The following WRNIP1 variants were observed in gnomAD, a reference collection of about 807,000 sequenced individuals.
The protein encoded by WRNIP1 is ATPase WRNIP1.
In WRNIP1, 41 loss-of-function variants were observed where a neutral mutation model predicts 56.1. The ratio of observed to expected loss-of-function variants is 0.73; its 90% CI spans 0.57 to 0.95. WRNIP1 has a LOEUF of 0.95. Ranked by LOEUF, WRNIP1 falls within the 40% of genes least tolerant of loss-of-function variation. The pLI, the probability that WRNIP1 is intolerant of heterozygous loss-of-function variation, is 0.00. For synonymous variants in WRNIP1, 547 were observed against 398.1 expected (o/e 1.37, Z -4.45); for missense variants, 1,170 against 939.4 (o/e 1.25, Z -3.21).
chr6:2,778,671 C>G (rs373726800), intron 3 of WRNIP1, among the ~76,000 whole-genome samples: 26 of 152,164 alleles, frequency 1.7e-4, no homozygotes, highest in Admixed American at 1.6e-3. Flanking sequence ...TCCCAAGATT[C>G]CCCAGGCCAA....
chr6:2,768,863 G>A lies in WRNIP1; in HGVS notation c.995G>A (p.Arg332Gln). The A allele has an allele frequency of 6.2e-7, 1 of 1,610,580 alleles. No individual in the cohort carries two copies. The highest frequency in any genetic ancestry group is 8.5e-7 in the Non-Finnish European group (1 of 1,178,502). The change falls in exon 2 of 7, where the codon CGG becomes CAG. Residue 332 changes from arginine (R) to glutamine (Q), a missense_variant. Arg to Gln is a conservative substitution (Grantham distance 43). Coordinates refer to ENST00000380773, the MANE Select transcript of WRNIP1 (RefSeq NM_020135.3). ...KTILFIDEIH[R>Q]FNKSQQDTFL... ...ATCCTTTTTATTGATGAGATTCATC[G>A]GTTCAATAAATCTCAGCAGGTATAT...
chr6:2,768,010 C>T (rs1015131932), intron 1 of WRNIP1, among the ~76,000 whole-genome samples: 3 of 152,174 alleles, frequency 2.0e-5, no homozygotes, highest in East Asian at 1.9e-4. Context: ...TCTTCTCATC[C>T]TTTAGTACTA....
At position 2,783,392 on chromosome 6, in the gene WRNIP1, C is replaced by T; in HGVS notation, c.1487-14C>T. The T allele has an allele frequency of 6.3e-7, 1 of 1,576,370 alleles. No homozygotes were observed. The highest frequency in any genetic ancestry group is 8.7e-7 in the Non-Finnish European group (1 of 1,156,024). On this transcript the variant is annotated splice_polypyrimidine_tract_variant and intron_variant, in intron 4 of 6. Coordinates refer to ENST00000380773, the MANE Select transcript of WRNIP1 (RefSeq NM_020135.3). ...CTGTGAGCTCTGTGTGAGTGGTGCT[C>T]TTTGTGATGTCAGGTGAGGAGCATT...
intron 4 of WRNIP1, among the ~76,000 whole-genome samples, chr6:2,782,589 C>T (rs149384890): frequency 1.2e-3 from 179 of 152,342 alleles, no homozygotes; most frequent in Non-Finnish European, 2.2e-3. Context: ...TCCGCTTTCT[C>T]GTGAGGAGGG....
intron 3 of WRNIP1, chr6:2,774,416 A>G: frequency 2.8e-6 from 1 of 359,292 alleles, no homozygotes; most frequent in Non-Finnish European, 3.9e-6. Context: ...GGCCCTTGGC[A>G]TTCCTTGGCT....
At chr6:2,783,053 C>T (rs558433562) in intron 4 of WRNIP1, among the ~76,000 whole-genome samples, 17 of 144,596 alleles carry the variant, frequency 1.2e-4, no homozygotes, top group Admixed American at 4.9e-4. Context: ...TGGTGGGCCA[C>T]GGGATAGAGC....
intron 4 of WRNIP1, 108 bp downstream of exon 4, chr6:2,779,600 C>T: frequency 8.9e-7 from 1 of 1,125,130 alleles, no homozygotes; most frequent in South Asian, 1.5e-5. Flanking sequence ...CAGCTGGGTC[C>T]AGAGCATTCC....
intron 3 of WRNIP1, among the ~76,000 whole-genome samples, chr6:2,778,316 A>G (rs556972356): frequency 2.5e-4 from 38 of 152,292 alleles, no homozygotes; most frequent in Non-Finnish European, 7.4e-5. Flanking sequence ...TAACTGAAAA[A>G]TTTTATTTTT....
At chr6:2,776,163 C>T (rs2113471960) in intron 3 of WRNIP1, among the ~76,000 whole-genome samples, 1 of 152,282 alleles carries the variant, frequency 6.6e-6, no homozygotes, top group East Asian at 1.9e-4. Context: ...CTCTCATGGG[C>T]TTCCCATTCT....
At chr6:2,778,462 CT>C (rs1462393045) in intron 3 of WRNIP1, among the ~76,000 whole-genome samples, 1 of 152,168 alleles carries the variant, frequency 6.6e-6, no homozygotes, top group East Asian at 1.9e-4. Flanking sequence ...ATAGTTAGAT[CT>C]TATTTATGAG....
chr6:2,768,063 AG>A (rs1731266651), intron 1 of WRNIP1, among the ~76,000 whole-genome samples: 1 of 152,196 alleles, frequency 6.6e-6, no homozygotes, highest in African/African-American at 2.4e-5. Context: ...ATATTTGTTG[AG>A]GACCCAAGAA....
Position 2,766,139 on chromosome 6 carries a change from G to A in WRNIP1, c.517G>A (p.Asp173Asn). The change falls in exon 1 of 7, where the codon GAT (aspartate) becomes AAT (asparagine). Residue 173 changes from aspartate to asparagine, a missense_variant. Physicochemically the swap from Asp to Asn is conservative, Grantham distance 23. Coordinates refer to ENST00000380773, the MANE Select transcript of WRNIP1 (RefSeq NM_020135.3). ...QEEEEAVGDG[D>N]GDGDADADGE... ...GGAGGAGGAGGCCGTGGGCGACGGCGATGGCGACGGGGACGCGGACGCGGA... is the reference window on the plus strand; with the variant it reads ...GGAGGAGGAGGCCGTGGGCGACGGCAATGGCGACGGGGACGCGGACGCGGA... 1 of 1,241,046 alleles carries A rather than the reference G, an allele frequency of 8.1e-7. No homozygotes were observed. The highest frequency in any genetic ancestry group is 2.2e-5 in the South Asian group (1 of 45,164). The allele number at this position is 1,241,046 out of a possible 1,614,324, so 76.9% of individuals were successfully genotyped here. A position where few individuals can be genotyped will look rare whatever the true frequency, so the allele number is the denominator to read the frequency against.
At chr6:2,784,963 C>G in intron 6 of WRNIP1, 44 bp from the exon 7 acceptor site, 1 of 1,605,798 alleles carries the variant, frequency 6.2e-7, no homozygotes, top group Non-Finnish European at 8.5e-7. Flanking sequence ...AGAACAGAAG[C>G]TTGGCATCTT....
At chr6:2,775,622 C>T (rs540602162) in intron 3 of WRNIP1, among the ~76,000 whole-genome samples, 27 of 152,196 alleles carry the variant, frequency 1.8e-4, no homozygotes, top group South Asian at 4.1e-4. Context: ...AAGTAGTATC[C>T]TCCAAATTCC....
intron 3 of WRNIP1, chr6:2,774,052 T>C (rs1561912637): frequency 1.1e-5 from 11 of 985,404 alleles, no homozygotes; most frequent in Non-Finnish European, 1.3e-5. Flanking sequence ...AAATAACCTT[T>C]TGTGCCATTG....
At chr6:2,779,573 G>A in intron 4 of WRNIP1, 81 bp downstream of exon 4, 1 of 1,450,614 alleles carries the variant, frequency 6.9e-7, no homozygotes, top group Non-Finnish European at 9.3e-7. Context: ...AAGCCTGACT[G>A]GGTTCCGGAA....
Position 2,785,581 on chromosome 6 carries a change from C to A in WRNIP1, c.*299C>A. ...TGTCATAGTATTTAAGTCATAATGT[C>A]ATTTCAGAATTCAGTTCTGTAGGAT... On this transcript the variant is annotated 3_prime_UTR_variant, in exon 7 of 7. Coordinates refer to ENST00000380773, the MANE Select transcript of WRNIP1 (RefSeq NM_020135.3). The A allele has an allele frequency of 3.0e-6, 1 of 335,246 alleles. No homozygotes were observed. Among genetic ancestry groups the A allele is most frequent in the South Asian group, 5.5e-5 (1 of 18,046 alleles). The allele number at this position is 335,246 out of a possible 1,614,324, so 20.8% of individuals were successfully genotyped here.
Position 2,765,814 on chromosome 6 carries a change from C to G in WRNIP1, c.192C>G (p.Pro64=). The change falls in exon 1 of 7, where the codon CCC becomes CCG. Residue 64 remains proline (P), a synonymous_variant. Transcript: ENST00000380773. ...SHRAGERAKG[P]SPPGAKRRRL... is the part of the protein sequence containing the mutation. ...GCGCCGGGGAGCGGGCCAAGGGGCC[C>G]TCGCCGCCCGGCGCCAAGAGGCGGC... 1 of 1,355,820 alleles carries G rather than the reference C, an allele frequency of 7.4e-7. No individual in the cohort carries two copies. The highest frequency in any genetic ancestry group is 9.4e-7 in the Non-Finnish European group (1 of 1,059,656). 84.0% of individuals were successfully genotyped at this position (1,355,820 alleles called of 1,614,324 possible).
chr6:2,782,340 C>G (rs1465102919), intron 4 of WRNIP1, among the ~76,000 whole-genome samples: 1 of 152,254 alleles, frequency 6.6e-6, no homozygotes, highest in Non-Finnish European at 1.5e-5. Flanking sequence ...ATCCATCTGC[C>G]CTGGCTCTCA....
Sources: allele counts gnomAD v4.1 joint callset (sites outside exome capture counted in the v4.1 genomes callset), GRCh38; gene constraint gnomAD v4.1.1; transcripts MANE v1.5; gene names NCBI Gene and HGNC (gene_info 2026-07-23, HGNC 2026-07-21).